The following ANKMY1 variants were observed in gnomAD, a reference collection of about 807,000 sequenced individuals.
ANKMY1 encodes the protein ankyrin repeat and MYND domain-containing protein 1.
Under a neutral mutation model 102.0 loss-of-function variants are expected in ANKMY1, and 98 were observed. The ratio of observed to expected loss-of-function variants is 0.96; its 90% CI spans 0.82 to 1.14. ANKMY1 has a LOEUF of 1.14. ANKMY1 is among the 50% of genes most tolerant of loss of function. ANKMY1 has a pLI of 0.00. For missense variants in ANKMY1, 1,330 were observed against 1,347.6 expected (o/e 0.99, Z 0.20); for synonymous variants, 582 against 559.9 (o/e 1.04, Z -0.56).
intron 4 of ANKMY1, among the ~76,000 whole-genome samples, chr2:240,539,245 C>T (rs1389458075): frequency 6.6e-6 from 1 of 152,138 alleles, no homozygotes; most frequent in Non-Finnish European, 1.5e-5. Context: ...TGCAGCTTCA[C>T]TCCTGAGGCC....
chr2:240,560,976 G>T (rs775229532), upstream of ANKMY1: 4 of 1,515,630 alleles, frequency 2.6e-6, no homozygotes, highest in African/African-American at 1.4e-5. Context: ...CGCCGGCGGC[G>T]CCTGCCTAGT....
rs1250509691 is a variant in ANKMY1, at chr2:240,520,551, C to T, written c.1833-18G>A. The T allele has an allele frequency of 1.9e-6, 3 of 1,603,014 alleles. No homozygotes were observed. Among genetic ancestry groups the T allele is most frequent in the Non-Finnish European group, 1.7e-6 (2 of 1,174,270 alleles). ...TCCTCCGCCTGAAAAAGACGGTGCG[C>T]CCGTGGGCCCCTGGAGGGCAGGCAC... On this transcript the variant is annotated intron_variant, in intron 8 of 17. Transcript: ENST00000401804. This position sits in a 1 kb window ranked among gnomAD's most constrained non-coding sequence, Gnocchi z 4.8.
intron 4 of ANKMY1, among the ~76,000 whole-genome samples, chr2:240,531,047 A>G (rs1004805014): frequency 6.6e-6 from 1 of 152,240 alleles, no homozygotes; most frequent in Admixed American, 6.5e-5. Context: ...CTGTAAGTCC[A>G]TAAGAACATA....
rs1026855747 is a variant in ANKMY1 at position 240,499,526 on chromosome 2, G to A, written c.2806+432C>T. Among the ~76,000 whole-genome samples the A allele has an allele frequency of 5.9e-5, 9 of 151,968 alleles. No homozygotes were observed. The highest frequency in any genetic ancestry group is 1.2e-4 in the Non-Finnish European group (8 of 67,968). ...TAGGTACTGCGTTTGTGGAGTGGGTGCATGTGGGGAGCTGGGGACATGTAG... is the reference window on the plus strand; with the variant it reads ...TAGGTACTGCGTTTGTGGAGTGGGTACATGTGGGGAGCTGGGGACATGTAG... On this transcript the variant is annotated intron_variant, in intron 15 of 17. Transcript: ENST00000401804. This position sits in a 1 kb window ranked among gnomAD's most constrained non-coding sequence, Gnocchi z 4.2.
intron 12 of ANKMY1, among the ~76,000 whole-genome samples, chr2:240,508,041 C>T (rs1489851598): frequency 6.6e-6 from 1 of 152,272 alleles, no homozygotes. Flanking sequence ...CAGAGCCAAG[C>T]CCAGGGGCCA....
intron 6 of ANKMY1, 183 bp downstream of exon 6, chr2:240,526,046 G>C: frequency 1.0e-6 from 1 of 958,652 alleles, no homozygotes; most frequent in East Asian, 2.6e-5. Context: ...TTCTGCACTG[G>C]ACCACGAGTG....
At chr2:240,487,978 A>G (rs2076244505) in intron 15 of ANKMY1, among the ~76,000 whole-genome samples, 1 of 152,128 alleles carries the variant, frequency 6.6e-6, no homozygotes, top group South Asian at 2.1e-4. Context: ...CTTTAGTTTT[A>G]TTAAATCCCA....
intron 5 of ANKMY1, chr2:240,526,786 T>C (rs745731798): frequency 8.1e-7 from 1 of 1,240,116 alleles, no homozygotes. Flanking sequence ...CTGGGTAGGA[T>C]GGAGACCAAC....
intron 5 of ANKMY1, chr2:240,526,688 C>G: frequency 2.1e-6 from 3 of 1,410,108 alleles, no homozygotes; most frequent in Non-Finnish European, 2.8e-6. Flanking sequence ...ATGTCTGTCC[C>G]GACAGGAATG....
chr2:240,554,834 G>T (rs1362735630), intron 3 of ANKMY1, 32 bp downstream of exon 3: 1 of 1,611,652 alleles, frequency 6.2e-7, no homozygotes. Flanking sequence ...AGGCCCTAGG[G>T]GAGGAGGCGG....
chr2:240,486,973 T>C (rs1488697510), intron 15 of ANKMY1, among the ~76,000 whole-genome samples: 2 of 152,250 alleles, frequency 1.3e-5, no homozygotes, highest in African/African-American at 2.4e-5. Context: ...ATATACTGTG[T>C]AGTGATCAAG....
chr2:240,549,716 G>A (rs1317813966), intron 4 of ANKMY1, among the ~76,000 whole-genome samples: 1 of 152,194 alleles, frequency 6.6e-6, no homozygotes, highest in African/African-American at 2.4e-5. Context: ...GACATGAACA[G>A]ACACTTCTCA....
Position 240,479,463 on chromosome 2 carries a change from C to T in ANKMY1, c.*146G>A, listed in dbSNP as rs566193081. 7.1e-6 allele frequency: 7 copies of T among 983,282 alleles called. No individual in the cohort carries two copies. Among genetic ancestry groups the T allele is most frequent in the African/African-American group, 3.2e-5 (2 of 62,424 alleles). 60.9% of individuals were successfully genotyped at this position (983,282 alleles called of 1,614,324 possible). On this transcript the variant is annotated 3_prime_UTR_variant, in exon 18 of 18. Coordinates refer to ENST00000401804, the MANE Select transcript of ANKMY1 (RefSeq NM_001282771.3). ...CCGTGGGGCCAATTTATTGCGAGGT[C>T]GCAAGGGAGACACTGCTACAAAGCA...
chr2:240,481,188 GCTC>G, intron 16 of ANKMY1, 91 bp from the exon 17 acceptor site: 1 of 1,492,942 alleles, frequency 6.7e-7, no homozygotes, highest in African/African-American at 1.4e-5. Flanking sequence ...CTGGCCCTGA[GCTC>G]CTGGGCTATT....
At position 240,498,241 on chromosome 2, in the gene ANKMY1, G is replaced by A. The variant is rs926496776; in HGVS notation, c.2806+1717C>T. Among the ~76,000 whole-genome samples the A allele has an allele frequency of 2.0e-5, 3 of 149,908 alleles. No homozygotes were observed. The South Asian group carries it at 6.4e-4, about 32-fold the overall frequency. On this transcript the variant is annotated intron_variant, in intron 15 of 17. Coordinates refer to ENST00000401804, the MANE Select transcript of ANKMY1 (RefSeq NM_001282771.3). ...CTGTGTGCATGTGTAAGGCATGGGT[G>A]GCAGTGGGTGAGTTGGTGAGGGCTG...
At chr2:240,473,123 T>TAAAAA in the ANKMY1 span, among the ~76,000 whole-genome samples, 9 of 108,444 alleles carry the variant, frequency 8.3e-5, no homozygotes, top group African/African-American at 2.8e-4. Flanking sequence ...AAACTCTGTC[T>TAAAAA]AAAAAAAAAA....
intron 11 of ANKMY1, among the ~76,000 whole-genome samples, chr2:240,510,008 GTCC>G (rs1316350351): frequency 8.3e-6 from 1 of 120,636 alleles, no homozygotes; most frequent in Non-Finnish European, 1.7e-5. Flanking sequence ...GTGCCTCCCT[GTCC>G]TCCTCCCCCG....
At chr2:240,468,775 C>T in the ANKMY1 span, among the ~76,000 whole-genome samples, 2 of 152,284 alleles carry the variant, frequency 1.3e-5, no homozygotes, top group South Asian at 2.1e-4. Flanking sequence ...CCCTTGTGAG[C>T]GTGAGAGCAC....
upstream of ANKMY1, chr2:240,558,691 G>C (rs1021338247): frequency 6.6e-6 from 1 of 152,214 alleles, no homozygotes; most frequent in African/African-American, 2.4e-5. Flanking sequence ...TCTGAGAACA[G>C]GGCAGGGGGT....
Sources: gnomAD v4.1 joint callset for allele counts (sites outside exome capture counted in the v4.1 genomes callset) on GRCh38, gnomAD v4.1.1 for gene constraint, Gnocchi (gnomAD v3.1) non-coding constraint, MANE v1.5 for transcripts, NCBI Gene and HGNC (gene_info 2026-07-23, HGNC 2026-07-21) for gene names.